Variants in ADARB2 observed in about 807,000 individuals in gnomAD.
ADARB2 encodes the protein adenosine deaminase RNA specific B2 (inactive), also known as inactive double-stranded RNA-specific editase B2.
ADARB2 carries 25 observed loss-of-function variants against 62.2 expected under a neutral mutation model. The ratio of observed to expected loss-of-function variants is 0.40; its 90% CI spans 0.29 to 0.56. The LOEUF is 0.56. ADARB2 is among the 20% of genes least tolerant of loss of function. The probability of loss-of-function intolerance (pLI) is 0.43; values close to 1 mark genes in which losing one functional copy is unlikely to be tolerated. For synonymous variants in ADARB2, 572 were observed against 500.8 expected (o/e 1.14, Z -1.90); for missense variants, 1,071 against 1,077.4 (o/e 0.99, Z 0.08).
At chr10:1,672,343 C>A (rs1040142961) in intron 1 of ADARB2, among the ~76,000 whole-genome samples, 4 of 152,156 alleles carry the variant, frequency 2.6e-5, no homozygotes, top group Non-Finnish European at 4.4e-5. Flanking sequence ...AAACACCACG[C>A]GGGCTCGTAA....
chr10:1,549,706 A>G (rs11250614), intron 1 of ADARB2, among the ~76,000 whole-genome samples: 51,443 of 151,996 alleles, frequency 0.34, 9,201 homozygotes, highest in Non-Finnish European at 0.4. Context: ...CATTGTCCCC[A>G]TCCTCTAGAC....
intron 1 of ADARB2, among the ~76,000 whole-genome samples, chr10:1,677,546 A>T (rs1003357337): frequency 1.3e-5 from 2 of 152,124 alleles, no homozygotes; most frequent in Non-Finnish European, 1.5e-5. Context: ...AGAAGGCAGG[A>T]GTGTCCTAGC....
chr10:1,277,111 G>A (rs1170552495), intron 3 of ADARB2, among the ~76,000 whole-genome samples: 1 of 152,244 alleles, frequency 6.6e-6, no homozygotes, highest in Admixed American at 6.5e-5. Context: ...AAAGCAGTGT[G>A]TAGAGGGAAA....
At chr10:1,560,700 C>G (rs1564330857) in intron 1 of ADARB2, among the ~76,000 whole-genome samples, 1 of 145,434 alleles carries the variant, frequency 6.9e-6, no homozygotes. Flanking sequence ...AAGCCACACT[C>G]TCGCCCAGGC....
At chr10:1,672,704 C>G (rs78760475) in intron 1 of ADARB2, among the ~76,000 whole-genome samples, 1,883 of 113,356 alleles carry the variant, frequency 0.017, 26 homozygotes, top group East Asian at 0.073. Context: ...TCCTTCCAGG[C>G]CCCCCGCCTG....
chr10:1,509,760 G>A (rs1202568426), intron 1 of ADARB2, among the ~76,000 whole-genome samples: 1 of 152,158 alleles, frequency 6.6e-6, no homozygotes. Context: ...GAGCCTTTTT[G>A]GAAAACATTG....
chr10:1,617,482 G>C (rs1370352603), intron 1 of ADARB2, among the ~76,000 whole-genome samples: 44 of 116,352 alleles, frequency 3.8e-4, no homozygotes, highest in East Asian at 1.8e-3. Flanking sequence ...TTGTGTGCCC[G>C]TCCAGACACA....
chr10:1,585,600 G>T (rs559570342), intron 1 of ADARB2, among the ~76,000 whole-genome samples: 2 of 152,166 alleles, frequency 1.3e-5, no homozygotes, highest in Non-Finnish European at 2.9e-5. Context: ...CTCTCACATG[G>T]GAATTGTGTA....
At chr10:1,729,763 T>C (rs1835209939) in intron 1 of ADARB2, among the ~76,000 whole-genome samples, 1 of 152,120 alleles carries the variant, frequency 6.6e-6, no homozygotes. Flanking sequence ...TAAGAAGAGA[T>C]TTGACTTGGG....
intron 1 of ADARB2, among the ~76,000 whole-genome samples, chr10:1,402,650 G>A (rs750064205): frequency 2.0e-5 from 3 of 152,074 alleles, no homozygotes; most frequent in Admixed American, 6.5e-5. Context: ...TGCCTTCCTC[G>A]CCATCAGCTC....
At chr10:1,415,230 G>A (rs1832792090) in intron 1 of ADARB2, among the ~76,000 whole-genome samples, 1 of 151,842 alleles carries the variant, frequency 6.6e-6, no homozygotes, top group Non-Finnish European at 1.5e-5. Context: ...GTGGATGGAT[G>A]GGAAGATAGA....
intron 3 of ADARB2, among the ~76,000 whole-genome samples, chr10:1,334,387 A>T (rs1238415430): frequency 8.5e-5 from 13 of 152,158 alleles, no homozygotes; most frequent in African/African-American, 2.9e-4. Flanking sequence ...AGGCTCGTGG[A>T]CTCCTCACTG....
intron 3 of ADARB2, among the ~76,000 whole-genome samples, chr10:1,323,856 G>A (rs928435512): frequency 6.6e-6 from 1 of 152,204 alleles, no homozygotes; most frequent in Non-Finnish European, 1.5e-5. Flanking sequence ...AGATATCTTA[G>A]ATTCAATACC....
chr10:1,732,398 CCT>C (rs2119049556), intron 1 of ADARB2, among the ~76,000 whole-genome samples: 1 of 152,076 alleles, frequency 6.6e-6, no homozygotes, highest in South Asian at 2.1e-4. Context: ...CCGAGTCACC[CCT>C]GTTTAGATAT....
rs1280398769 is a variant in ADARB2, at chr10:1,556,843, T to TCTG, written c.101-177686_101-177684dup. The TCTG allele has an allele frequency of 5.6e-6, 3 of 534,148 alleles. No individual in the cohort carries two copies. In the Admixed American group the frequency reaches 5.8e-5, roughly 10 times the overall value. The allele number at this position is 534,148 out of a possible 1,614,324, so 33.1% of individuals were successfully genotyped here. ...CAGACACTTGCTCTGCTGCAGATTT[T>TCTG]CTGCACAACCCCTCCTCATGGGGGA... On this transcript the variant is annotated intron_variant, in intron 1 of 9. Transcript: ENST00000381312.
At chr10:1,310,022 A>G (rs1426161441) in intron 3 of ADARB2, among the ~76,000 whole-genome samples, 1 of 152,122 alleles carries the variant, frequency 6.6e-6, no homozygotes, top group Admixed American at 6.5e-5. Context: ...CTGGGTCTTC[A>G]TGTGTTTCCT....
chr10:1,232,511 A>ATG (rs147827086), intron 6 of ADARB2, among the ~76,000 whole-genome samples: 94,017 of 148,512 alleles, frequency 0.63, 32,218 homozygotes, highest in East Asian at 0.99. Context: ...TGTATGTGGT[A>ATG]TGTGCTGTGT....
chr10:1,586,520 T>G (rs1833182722), intron 1 of ADARB2, among the ~76,000 whole-genome samples: 1 of 152,232 alleles, frequency 6.6e-6, no homozygotes, highest in Admixed American at 6.5e-5. Flanking sequence ...TTCAACATGG[T>G]GCCAAGGTCA....
intron 6 of ADARB2, among the ~76,000 whole-genome samples, chr10:1,225,939 G>A (rs532953318): frequency 3.9e-5 from 6 of 152,062 alleles, no homozygotes; most frequent in African/African-American, 1.4e-4. Context: ...TGTATTTCCT[G>A]AATATGAATG....
Sources: gnomAD v4.1 joint callset for allele counts (sites outside exome capture counted in the v4.1 genomes callset) on GRCh38, gnomAD v4.1.1 for gene constraint, MANE v1.5 for transcripts, NCBI Gene and HGNC (gene_info 2026-07-23, HGNC 2026-07-21) for gene names.